PTP4A1: variants seen among roughly 807,000 people sequenced by gnomAD.
The protein encoded by PTP4A1 is protein tyrosine phosphatase type IVA 1.
A neutral mutation model predicts 20.5 loss-of-function variants in PTP4A1; 9 were observed. The ratio of observed to expected loss-of-function variants is 0.44; its 90% CI spans 0.26 to 0.77. The LOEUF is 0.77. Among genes scored for constraint, PTP4A1 ranks in the 30% least tolerant of loss-of-function variants. The pLI, the probability that PTP4A1 is intolerant of heterozygous loss-of-function variation, is 0.19. For missense variants in PTP4A1, 137 were observed against 218.8 expected (o/e 0.63, Z 2.36); for synonymous variants, 78 against 67.4 (o/e 1.16, Z -0.77).
intron 2 of PTP4A1, among the ~76,000 whole-genome samples, chr6:63,529,922 A>T (rs1230536053): frequency 6.6e-6 from 1 of 152,194 alleles, no homozygotes; most frequent in Non-Finnish European, 1.5e-5. Context: ...CTATTAAAGA[A>T]ATAGGATATT....
At chr6:63,537,468 G>A (rs772371944) in intron 2 of PTP4A1, among the ~76,000 whole-genome samples, 3 of 152,160 alleles carry the variant, frequency 2.0e-5, no homozygotes, top group Admixed American at 6.5e-5. Context: ...TGGAAACAGG[G>A]TTTTGGCATC....
intron 2 of PTP4A1, among the ~76,000 whole-genome samples, chr6:63,547,135 C>A (rs549763559): frequency 6.6e-6 from 1 of 151,808 alleles, no homozygotes; most frequent in East Asian, 1.9e-4. Flanking sequence ...ATTAATCACT[C>A]TCAAGAGAAT....
chr6:63,555,438 C>G (rs1171921731), intron 3 of PTP4A1, among the ~76,000 whole-genome samples: 1 of 152,202 alleles, frequency 6.6e-6, no homozygotes, highest in Admixed American at 6.5e-5. Flanking sequence ...CTCCCTTTCT[C>G]CAGTGTCTTC....
intron 2 of PTP4A1, among the ~76,000 whole-genome samples, chr6:63,540,823 G>A (rs573209509): frequency 6.0e-5 from 9 of 149,416 alleles, no homozygotes; most frequent in South Asian, 2.1e-4. Flanking sequence ...ATGGTGAAAC[G>A]CCATCTCTGC....
chr6:63,540,350 A>G (rs950616266), intron 2 of PTP4A1, among the ~76,000 whole-genome samples: 1 of 152,054 alleles, frequency 6.6e-6, no homozygotes, highest in Non-Finnish European at 1.5e-5. Context: ...TCCAGGCACA[A>G]TGGGTCACAC....
In PTP4A1 at chr6:63,580,230, A is replaced by G; in HGVS notation, c.*56A>G. 7.5e-7 allele frequency: 1 copy of G among 1,341,250 alleles called. No individual in the cohort carries two copies. Among genetic ancestry groups the G allele is most frequent in the Non-Finnish European group, 1.1e-6 (1 of 935,558 alleles). The allele number at this position is 1,341,250 out of a possible 1,614,324, so 83.1% of individuals were successfully genotyped here. ...AACTTGAGATAGGGCCTAATTTGTT[A>G]TACATATTAGCCAACATGTTGGCTT... On this transcript the variant is annotated 3_prime_UTR_variant, in exon 6 of 6. Coordinates refer to ENST00000626021, the MANE Select transcript of PTP4A1 (RefSeq NM_003463.5).
intron 1 of PTP4A1, among the ~76,000 whole-genome samples, chr6:63,526,447 C>T (rs1775177220): frequency 6.6e-6 from 1 of 151,852 alleles, no homozygotes; most frequent in Non-Finnish European, 1.5e-5. Context: ...AGAATCAGAG[C>T]CAATCCAGTT....
At chr6:63,556,292 A>AG (rs1776684292) in intron 3 of PTP4A1, among the ~76,000 whole-genome samples, 1 of 151,698 alleles carries the variant, frequency 6.6e-6, no homozygotes, top group Non-Finnish European at 1.5e-5. Flanking sequence ...CAGAGTAGCT[A>AG]GGAATACAGG....
intron 2 of PTP4A1, among the ~76,000 whole-genome samples, chr6:63,549,743 G>A (rs1332814150): frequency 2.0e-5 from 3 of 151,640 alleles, no homozygotes; most frequent in Non-Finnish European, 4.4e-5. Context: ...CTCATATGTG[G>A]AAGCTAAAAA....
intron 1 of PTP4A1, among the ~76,000 whole-genome samples, chr6:63,574,969 G>A (rs544156293): frequency 2.5e-4 from 38 of 152,310 alleles, no homozygotes; most frequent in African/African-American, 8.7e-4. Flanking sequence ...TTGTGATAAT[G>A]AAAGTTACCT....
In PTP4A1 at chr6:63,523,466, G is replaced by A. The variant is rs554319027; in HGVS notation, c.-906+1640G>A. Among the ~76,000 whole-genome samples the A allele has an allele frequency of 5.9e-5, 9 of 151,992 alleles. No individual in the cohort carries two copies. In the South Asian group the frequency reaches 8.3e-4, roughly 14 times the overall value. The stretch of plus-strand genomic sequence containing the variant: ...CGGGAGGTTGCAGTGAGCCATGATC[G>A]TGCCACTGCACTCTAGCCTGGGCAA... On this transcript the variant is annotated intron_variant, in intron 1 of 3. Coordinates refer to the PTP4A1 transcript ENST00000639568.
chr6:63,544,684 C>A (rs917172906), intron 2 of PTP4A1, among the ~76,000 whole-genome samples: 6 of 151,986 alleles, frequency 3.9e-5, no homozygotes, highest in African/African-American at 1.2e-4. Flanking sequence ...CCAATTATAC[C>A]AAGAATGTTT....
intron 3 of PTP4A1, among the ~76,000 whole-genome samples, chr6:63,557,420 T>C (rs1354614128): frequency 6.6e-6 from 1 of 151,828 alleles, no homozygotes; most frequent in Non-Finnish European, 1.5e-5. Context: ...ACAAAAATTA[T>C]CTGGTGTAGT....
At chr6:63,539,850 T>C (rs1775881015) in intron 2 of PTP4A1, among the ~76,000 whole-genome samples, 1 of 152,124 alleles carries the variant, frequency 6.6e-6, no homozygotes, top group Non-Finnish European at 1.5e-5. Context: ...TGAAGATATG[T>C]TTAAACTTAA....
At chr6:63,578,352 TG>T in intron 2 of PTP4A1, 84 bp from the exon 3 acceptor site, 1 of 1,375,540 alleles carries the variant, frequency 7.3e-7, no homozygotes, top group Non-Finnish European at 9.6e-7. Flanking sequence ...GCATACTTAC[TG>T]ATCAGAGATG....
intron 2 of PTP4A1, among the ~76,000 whole-genome samples, chr6:63,548,056 C>G (rs1222883997): frequency 6.6e-6 from 1 of 152,178 alleles, no homozygotes. Context: ...CCCACATCCC[C>G]CATATTCCAA....
intron 3 of PTP4A1, among the ~76,000 whole-genome samples, chr6:63,557,174 G>T (rs1776726377): frequency 6.6e-6 from 1 of 152,170 alleles, no homozygotes; most frequent in Non-Finnish European, 1.5e-5. Context: ...TTATCATCAT[G>T]GGATGAATGC....
At chr6:63,563,838 AC>A (rs1040924681) in intron 3 of PTP4A1, among the ~76,000 whole-genome samples, 1 of 152,184 alleles carries the variant, frequency 6.6e-6, no homozygotes, top group Non-Finnish European at 1.5e-5. Flanking sequence ...GAGACTAAGA[AC>A]CCTGCAAAGA....
chr6:63,552,347 T>A (rs954246519), intron 3 of PTP4A1, among the ~76,000 whole-genome samples: 1 of 152,248 alleles, frequency 6.6e-6, no homozygotes, highest in Non-Finnish European at 1.5e-5. Flanking sequence ...GAGAAGTGTC[T>A]GTTCATGTCC....
Sources: allele counts gnomAD v4.1 joint callset (sites outside exome capture counted in the v4.1 genomes callset), GRCh38; gene constraint gnomAD v4.1.1; transcripts MANE v1.5; gene names NCBI Gene and HGNC (gene_info 2026-07-23, HGNC 2026-07-21).